The following SP4 variants were observed in gnomAD, a reference collection of about 807,000 sequenced individuals.
SP4 encodes transcription factor Sp4.
A neutral mutation model predicts 72.8 loss-of-function variants in SP4; 19 were observed. The ratio of observed to expected loss-of-function variants is 0.26; its 90% CI spans 0.18 to 0.38. The LOEUF (loss-of-function observed/expected upper bound fraction) is 0.38. Ranked by LOEUF, SP4 falls within the 10% of genes least tolerant of loss-of-function variation. The probability of loss-of-function intolerance (pLI) is 1.00; values close to 1 mark genes in which losing one functional copy is unlikely to be tolerated. For synonymous variants in SP4, 395 were observed against 333.1 expected, an observed-to-expected ratio of 1.19 and a Z score of -2.02; for missense variants, 1,008 against 926.3, an observed-to-expected ratio of 1.09 and a Z score of -1.14.
At position 21,513,220 on chromosome 7, in the gene SP4, A is replaced by G. The variant is rs1782192837; in HGVS notation, c.*1951A>G. The G allele has an allele frequency of 6.6e-6, 1 of 152,606 alleles. No homozygotes were observed. The highest frequency in any genetic ancestry group is 1.5e-5 in the Non-Finnish European group (1 of 68,028). The allele number at this position is 152,606 out of a possible 1,614,324, so 9.5% of individuals were successfully genotyped here. ...GTTTACACTATGTACACTTTAGGCC[A>G]GCCCTTTGTAGCGTTATATAAAACT... On this transcript the variant is annotated 3_prime_UTR_variant, in exon 6 of 6. Transcript: ENST00000222584.
At chr7:21,466,403 A>G (rs1307410955) in intron 3 of SP4, among the ~76,000 whole-genome samples, 4 of 152,176 alleles carry the variant, frequency 2.6e-5, no homozygotes, top group African/African-American at 4.8e-5. Flanking sequence ...ATCATATTCC[A>G]GACATTATGC....
At chr7:21,476,273 CAAAAAAA>C (rs753166936) in intron 3 of SP4, among the ~76,000 whole-genome samples, 3 of 49,646 alleles carry the variant, frequency 6.0e-5, no homozygotes, top group African/African-American at 1.6e-4. Flanking sequence ...GACTCCATCT[CAAAAAAA>C]AAAAAAAAAA....
intron 3 of SP4, among the ~76,000 whole-genome samples, chr7:21,444,940 C>T (rs1016813427): frequency 1.3e-5 from 2 of 152,134 alleles, no homozygotes; most frequent in African/African-American, 2.4e-5. Flanking sequence ...AGATCTTTAG[C>T]TGAGTGCTCC....
chr7:21,509,112 A>G (rs889654306), intron 5 of SP4, among the ~76,000 whole-genome samples: 1 of 152,002 alleles, frequency 6.6e-6, no homozygotes, highest in African/African-American at 2.4e-5. Flanking sequence ...AGAATGTTTC[A>G]TATTATGTTG....
chr7:21,436,695 T>A (rs1450307351), intron 3 of SP4, among the ~76,000 whole-genome samples: 1 of 152,206 alleles, frequency 6.6e-6, no homozygotes, highest in Non-Finnish European at 1.5e-5. Flanking sequence ...TAAGATTGGA[T>A]GTTCATAATG....
intron 4 of SP4, among the ~76,000 whole-genome samples, chr7:21,480,841 C>T (rs1364551796): frequency 3.9e-5 from 6 of 152,146 alleles, no homozygotes; most frequent in Non-Finnish European, 7.3e-5. Flanking sequence ...TGAGAGTACC[C>T]TTAGGCTTGA....
chr7:21,464,094 C>A (rs1376010116), intron 3 of SP4, among the ~76,000 whole-genome samples: 1 of 148,602 alleles, frequency 6.7e-6, no homozygotes, highest in Non-Finnish European at 1.5e-5. Context: ...ATTCTTATAT[C>A]TGATTCATTC....
At chr7:21,449,606 A>G (rs992148452) in intron 3 of SP4, among the ~76,000 whole-genome samples, 2 of 152,210 alleles carry the variant, frequency 1.3e-5, no homozygotes, top group African/African-American at 4.8e-5. Flanking sequence ...TGTATAATGT[A>G]TGTGTATAAA....
rs1366335525 is a variant in SP4 at position 21,481,937 on chromosome 7, C to A, written c.1921C>A (p.Pro641Thr). ...TGTTTTTGCTAGAGGCAGTAATGAA[C>A]CAGGAAAAAAGAAGCAGCATATCTG... is the stretch of plus-strand genomic sequence containing the variant. ...REGEGRGSNE[P>T]GKKKQHICHI... The change falls in exon 5 of 6, where the codon CCA becomes ACA. Residue 641 changes from proline to threonine, a missense_variant. Physicochemically the swap from Pro to Thr is conservative, Grantham distance 38. Coordinates refer to ENST00000222584, the MANE Select transcript of SP4 (RefSeq NM_003112.5). The A allele has an allele frequency of 6.2e-7, 1 of 1,613,390 alleles. No individual in the cohort carries two copies. The highest frequency in any genetic ancestry group is 8.5e-7 in the Non-Finnish European group (1 of 1,179,592).
intron 3 of SP4, among the ~76,000 whole-genome samples, chr7:21,462,642 G>T (rs2282894): frequency 0.52 from 79,075 of 152,056 alleles, 21,036 homozygotes; most frequent in Middle Eastern, 0.66. Flanking sequence ...CATGGAGATG[G>T]TGTAGAAATT....
intron 5 of SP4, among the ~76,000 whole-genome samples, chr7:21,496,954 T>C (rs182117851): frequency 6.6e-6 from 1 of 152,364 alleles, no homozygotes; most frequent in East Asian, 1.9e-4. Context: ...TCTAAACATG[T>C]ATGACCTTCT....
chr7:21,493,260 A>G (rs1175663102), intron 5 of SP4, among the ~76,000 whole-genome samples: 2 of 152,176 alleles, frequency 1.3e-5, no homozygotes, highest in African/African-American at 4.8e-5. Flanking sequence ...TCAAATAACA[A>G]AAATATCTAG....
At chr7:21,485,639 T>G (rs1347386919) in intron 5 of SP4, among the ~76,000 whole-genome samples, 1 of 152,032 alleles carries the variant, frequency 6.6e-6, no homozygotes, top group Admixed American at 6.6e-5. Context: ...ACATTAAGAT[T>G]CTTTTGAAAA....
intron 3 of SP4, among the ~76,000 whole-genome samples, chr7:21,448,720 A>T (rs892478589): frequency 2.0e-5 from 3 of 152,218 alleles, no homozygotes; most frequent in Non-Finnish European, 4.4e-5. Context: ...AAGTATTATT[A>T]CATCGTTTTG....
chr7:21,447,123 A>T (rs1163155717), intron 3 of SP4, among the ~76,000 whole-genome samples: 1 of 152,196 alleles, frequency 6.6e-6, no homozygotes, highest in Non-Finnish European at 1.5e-5. Flanking sequence ...TTGCCAGCGG[A>T]TACAGACCTT....
chr7:21,467,793 A>G (rs1037652814), intron 3 of SP4, among the ~76,000 whole-genome samples: 4 of 152,100 alleles, frequency 2.6e-5, no homozygotes, highest in Non-Finnish European at 5.9e-5. Context: ...AAAAAATCCC[A>G]CTGCCCCCCA....
At chr7:21,436,168 G>C (rs1783045112) in intron 3 of SP4, among the ~76,000 whole-genome samples, 1 of 152,044 alleles carries the variant, frequency 6.6e-6, no homozygotes. Flanking sequence ...CAAAGTGCTG[G>C]GATTACAGGC....
chr7:21,482,822 A>T (rs925162281), intron 5 of SP4: 2 of 876,680 alleles, frequency 2.3e-6, no homozygotes, highest in Non-Finnish European at 2.7e-6. Flanking sequence ...CTGTTTGTAC[A>T]TATATGTATA....
At position 21,447,159 on chromosome 7, in the gene SP4, G is replaced by A. The variant is rs148522643; in HGVS notation, c.1678+16316G>A. ...GAAGATGCCTAGTTAGAAACCAGCT[G>A]CCCTTTAAAGCCATAGTGTGTGATT... is the stretch of plus-strand genomic sequence containing the variant. On this transcript the variant is annotated intron_variant, in intron 3 of 5. Coordinates refer to ENST00000222584, the MANE Select transcript of SP4 (RefSeq NM_003112.5). Among the ~76,000 whole-genome samples the A allele has an allele frequency of 1.3e-4, 20 of 152,270 alleles. No individual in the cohort carries two copies. The East Asian group carries it at 3.9e-3, about 29-fold the overall frequency.
Sources: gnomAD v4.1 joint callset for allele counts (sites outside exome capture counted in the v4.1 genomes callset) on GRCh38, gnomAD v4.1.1 for gene constraint, MANE v1.5 for transcripts, NCBI Gene and HGNC (gene_info 2026-07-23, HGNC 2026-07-21) for gene names.